Variants in RPS6KA5 observed in about 807,000 individuals in gnomAD.
RPS6KA5 encodes ribosomal protein S6 kinase alpha-5.
RPS6KA5 carries 27 observed loss-of-function variants against 85.5 expected under a neutral mutation model. The ratio of observed to expected loss-of-function variants is 0.32; its 90% CI spans 0.23 to 0.44. The LOEUF is 0.44. Ranked by LOEUF, RPS6KA5 falls within the 20% of genes least tolerant of loss-of-function variation. The pLI, the probability that RPS6KA5 is intolerant of heterozygous loss-of-function variation, is 1.00. For synonymous variants in RPS6KA5, 334 were observed against 348.2 expected (o/e 0.96, Z 0.46); for missense variants, 811 against 980.9 (o/e 0.83, Z 2.31).
chr14:91,055,026 T>C (rs1317823395), intron 1 of RPS6KA5, among the ~76,000 whole-genome samples: 6 of 152,248 alleles, frequency 3.9e-5, no homozygotes, highest in African/African-American at 9.6e-5. Flanking sequence ...GGTATACAAA[T>C]GGCCAATAAG....
At chr14:91,002,349 G>A (rs2040828292) in intron 1 of RPS6KA5, among the ~76,000 whole-genome samples, 1 of 151,644 alleles carries the variant, frequency 6.6e-6, no homozygotes, top group South Asian at 2.1e-4. Flanking sequence ...TGAGTATAAG[G>A]GTATTCAACA....
intron 5 of RPS6KA5, among the ~76,000 whole-genome samples, chr14:90,938,754 C>A (rs1037250775): frequency 6.6e-6 from 1 of 152,206 alleles, no homozygotes; most frequent in Admixed American, 6.5e-5. Context: ...GGAAGCAGGG[C>A]ACCAAGTCCC....
chr14:90,971,621 C>T (rs2039326608), intron 3 of RPS6KA5, among the ~76,000 whole-genome samples: 1 of 152,146 alleles, frequency 6.6e-6, no homozygotes, highest in African/African-American at 2.4e-5. Flanking sequence ...ATAATACTAA[C>T]ATTGTAATAA....
At chr14:90,960,270 T>C (rs183788356) in intron 3 of RPS6KA5, among the ~76,000 whole-genome samples, 15 of 152,162 alleles carry the variant, frequency 9.9e-5, no homozygotes, top group Admixed American at 3.9e-4. Context: ...TCTGTTAGGA[T>C]AGGGCTCGGG....
rs890966555 is a variant in RPS6KA5 at position 90,870,938 on chromosome 14, G to C, written c.*1136C>G. On this transcript the variant is annotated 3_prime_UTR_variant, in exon 17 of 17. Transcript: ENST00000614987. ...AATTCAGAACTTTTGAGCAATAAAA[G>C]TGCTCTGCATAAGTTTATAAAATAT... 1 of 149,902 alleles carries C rather than the reference G, an allele frequency of 6.7e-6. No individual in the cohort carries two copies. Among genetic ancestry groups the C allele is most frequent in the Non-Finnish European group, 1.5e-5 (1 of 67,694 alleles). 9.3% of individuals were successfully genotyped at this position (149,902 alleles called of 1,614,324 possible). A position where few individuals can be genotyped will look rare whatever the true frequency, so the allele number is the denominator to read the frequency against.
At chr14:90,938,982 T>G (rs2037429806) in intron 5 of RPS6KA5, among the ~76,000 whole-genome samples, 1 of 152,238 alleles carries the variant, frequency 6.6e-6, no homozygotes, top group Admixed American at 6.5e-5. Context: ...AGATTTTCTT[T>G]TCTAGTGCAT....
At chr14:90,872,410 C>T (rs1273873874) in intron 16 of RPS6KA5, 88 bp from the exon 17 acceptor site, 3 of 1,452,952 alleles carry the variant, frequency 2.1e-6, no homozygotes, top group Non-Finnish European at 2.7e-6. Context: ...AGACAACTTT[C>T]CATTGGCAAC....
At chr14:90,914,936 C>G (rs943378760) in intron 7 of RPS6KA5, among the ~76,000 whole-genome samples, 1 of 151,874 alleles carries the variant, frequency 6.6e-6, no homozygotes, top group Non-Finnish European at 1.5e-5. Context: ...GTCAAAAAAC[C>G]CTGGGAAACA....
chr14:90,892,885 C>A (rs548476972), intron 13 of RPS6KA5, among the ~76,000 whole-genome samples: 19 of 152,222 alleles, frequency 1.2e-4, no homozygotes, highest in Admixed American at 3.3e-4. Flanking sequence ...ACTATAATTG[C>A]AGTAGAATGT....
chr14:91,024,665 T>A (rs1313456319), intron 1 of RPS6KA5, among the ~76,000 whole-genome samples: 2 of 152,204 alleles, frequency 1.3e-5, no homozygotes, highest in Non-Finnish European at 2.9e-5. Flanking sequence ...ATTTATCTGA[T>A]TCCCCTCTAA....
chr14:90,961,382 C>A (rs370994797), intron 3 of RPS6KA5, among the ~76,000 whole-genome samples: 6 of 152,108 alleles, frequency 3.9e-5, no homozygotes, highest in East Asian at 3.8e-4. Context: ...TGGGTTTAGA[C>A]GTTGTCTTAG....
intron 3 of RPS6KA5, among the ~76,000 whole-genome samples, chr14:90,951,531 T>A (rs2038189140): frequency 6.6e-6 from 1 of 152,146 alleles, no homozygotes; most frequent in Non-Finnish European, 1.5e-5. Flanking sequence ...CTAAAAATTT[T>A]GAGCGCCCAT....
intron 5 of RPS6KA5, among the ~76,000 whole-genome samples, chr14:90,942,568 C>T (rs1333767901): frequency 6.6e-6 from 1 of 152,182 alleles, no homozygotes; most frequent in Non-Finnish European, 1.5e-5. Flanking sequence ...AAAATCTGCA[C>T]ATTAGCCACC....
At chr14:90,986,764 C>A (rs1007286276) in intron 2 of RPS6KA5, among the ~76,000 whole-genome samples, 4 of 152,188 alleles carry the variant, frequency 2.6e-5, no homozygotes, top group African/African-American at 7.2e-5. Flanking sequence ...AAGCAGCCTG[C>A]AGCCAATGAC....
At chr14:90,904,705 C>T (rs568320976) in intron 8 of RPS6KA5, among the ~76,000 whole-genome samples, 53 of 152,248 alleles carry the variant, frequency 3.5e-4, no homozygotes, top group Non-Finnish European at 5.9e-4. Flanking sequence ...TTTCCACCTC[C>T]GCTCCATTTA....
Position 90,978,459 on chromosome 14 carries a change from T to G in RPS6KA5, c.241A>C (p.Lys81Gln). Residue 81 changes from lysine to glutamine, a missense_variant, in exon 3 of 17, where the codon AAA (lysine) becomes CAA (glutamine). This residue lies in a region of RPS6KA5 where 48 missense variants were observed against 87.6 expected (regional missense o/e 0.55). Transcript: ENST00000614987. Reference sequence around the variant, plus strand: ...ACGATTGTTGCCTTTTTCAAAACTTTCATGGCATACAGCTTTCCAGTATCA... The same window carrying G: ...ACGATTGTTGCCTTTTTCAAAACTTGCATGGCATACAGCTTTCCAGTATCA... Reference protein sequence around the residue: ...GHDTGKLYAMKVLKKATIVQK... With the variant: ...GHDTGKLYAMQVLKKATIVQK... The G allele has an allele frequency of 6.2e-7, 1 of 1,613,968 alleles. No homozygotes were observed. The highest frequency in any genetic ancestry group is 8.5e-7 in the Non-Finnish European group (1 of 1,179,916).
intron 13 of RPS6KA5, among the ~76,000 whole-genome samples, chr14:90,891,682 T>C (rs1371010355): frequency 1.3e-5 from 2 of 152,174 alleles, no homozygotes; most frequent in African/African-American, 4.8e-5. Flanking sequence ...ATCTCCTAAG[T>C]CTTCCATCTG....
At chr14:90,931,611 C>CA (rs1442813426) in intron 5 of RPS6KA5, among the ~76,000 whole-genome samples, 2 of 150,498 alleles carry the variant, frequency 1.3e-5, no homozygotes, top group South Asian at 4.2e-4. Flanking sequence ...TGTTAAATGG[C>CA]AAAAAAGATC....
At chr14:90,960,137 C>T (rs1347661148) in intron 3 of RPS6KA5, among the ~76,000 whole-genome samples, 1 of 152,082 alleles carries the variant, frequency 6.6e-6, no homozygotes, top group Non-Finnish European at 1.5e-5. Flanking sequence ...GGGTTCAGAG[C>T]TTAAGAAAAG....
Sources: allele counts gnomAD v4.1 joint callset (sites outside exome capture counted in the v4.1 genomes callset), GRCh38; gene constraint gnomAD v4.1.1; regional missense constraint gnomAD v4.1.1; transcripts MANE v1.5; gene names NCBI Gene and HGNC (gene_info 2026-07-23, HGNC 2026-07-21).